Variants in MYLK observed in about 807,000 individuals in gnomAD.
MYLK encodes the protein myosin light chain kinase.
MYLK carries 106 observed loss-of-function variants against 203.4 expected under a neutral mutation model. The observed-to-expected ratio is 0.52, with a 90% CI of 0.45 to 0.61. The LOEUF is 0.61. MYLK is among the 20% of genes least tolerant of loss of function. The probability of loss-of-function intolerance (pLI) is 0.00; values close to 1 mark genes in which losing one functional copy is unlikely to be tolerated. For synonymous variants in MYLK, 867 were observed against 959.5 expected, an observed-to-expected ratio of 0.90 and a Z score of 1.78; for missense variants, 2,072 against 2,442.3, an observed-to-expected ratio of 0.85 and a Z score of 3.20.
chr3:123,809,808 G>A (rs1275381078), intron 3 of MYLK, among the ~76,000 whole-genome samples: 3 of 152,136 alleles, frequency 2.0e-5, no homozygotes, highest in South Asian at 2.1e-4. Flanking sequence ...GGACGTACAC[G>A]CAGTAGCCAA....
At chr3:123,713,578 AATGTGTGTGTGTGTGT>A (rs1177951622) in intron 13 of MYLK, among the ~76,000 whole-genome samples, 3 of 74,752 alleles carry the variant, frequency 4.0e-5, no homozygotes, top group African/African-American at 5.7e-5. Context: ...AGAGCAACAC[AATGTGTGTGTGTGTGT>A]GTGTGTGTGT....
chr3:123,713,865 G>A lies in MYLK; in HGVS notation c.1805-3972C>T, dbSNP rs151128228. Among the ~76,000 whole-genome samples, 371 of 152,148 alleles carry A rather than the reference G, an allele frequency of 2.4e-3. 2 individuals carry two copies. The Middle Eastern group carries it at 0.031, about 13-fold the overall frequency. Reference sequence around the variant, plus strand: ...CATAATACTGAGAAGTATGATGTCTGCATCATCAGTCTAATGCATGGTAAT... The same window carrying A: ...CATAATACTGAGAAGTATGATGTCTACATCATCAGTCTAATGCATGGTAAT... On this transcript the variant is annotated intron_variant, in intron 13 of 33. Coordinates refer to ENST00000360304, the MANE Select transcript of MYLK (RefSeq NM_053025.4).
rs573090361 is a variant in MYLK, at chr3:123,657,783, G to A, written c.3986-355C>T. ...CAGAAGGCGTGGACTATTTCCTATCGAAAACATGTTTTGAGAGAGAGAGTT... is the reference window on the plus strand; with the variant it reads ...CAGAAGGCGTGGACTATTTCCTATCAAAAACATGTTTTGAGAGAGAGAGTT... On this transcript the variant is annotated intron_variant, in intron 23 of 33. Coordinates refer to ENST00000360304, the MANE Select transcript of MYLK (RefSeq NM_053025.4). 2.0e-5 allele frequency among the ~76,000 whole-genome samples: 3 copies of A among 152,238 alleles called. No individual in the cohort carries two copies. The South Asian group carries it at 6.2e-4, about 32-fold the overall frequency.
At chr3:123,618,845 A>T in intron 32 of MYLK, 75 bp from the exon 33 acceptor site, 1 of 1,594,904 alleles carries the variant, frequency 6.3e-7, no homozygotes. Flanking sequence ...AAAGAAACTA[A>T]CTTTTAAAAA....
At chr3:123,627,591 A>G (rs549746805) in intron 30 of MYLK, among the ~76,000 whole-genome samples, 11 of 152,226 alleles carry the variant, frequency 7.2e-5, no homozygotes, top group Non-Finnish European at 1.5e-4. Flanking sequence ...AGGAAAGCCT[A>G]AAGAACCAAA....
At chr3:123,815,209 C>T (rs1350152249) in intron 3 of MYLK, among the ~76,000 whole-genome samples, 3 of 152,162 alleles carry the variant, frequency 2.0e-5, no homozygotes, top group South Asian at 2.1e-4. Flanking sequence ...CCTCTTGATT[C>T]CTGTCAACTT....
At chr3:123,844,901 G>A (rs760165959) in intron 2 of MYLK, among the ~76,000 whole-genome samples, 3 of 143,858 alleles carry the variant, frequency 2.1e-5, no homozygotes, top group Non-Finnish European at 3.0e-5. Flanking sequence ...CTATTCACAG[G>A]TACAATCATA....
intron 4 of MYLK, among the ~76,000 whole-genome samples, chr3:123,758,385 C>T (rs927562680): frequency 6.6e-6 from 1 of 152,192 alleles, no homozygotes; most frequent in Non-Finnish European, 1.5e-5. Context: ...ACCCCCATGT[C>T]CAACTTGTAA....
rs530601008 is a variant in MYLK at position 123,785,375 on chromosome 3, C to T, written c.165+8302G>A. 3.3e-5 allele frequency among the ~76,000 whole-genome samples: 5 copies of T among 152,334 alleles called. No individual in the cohort carries two copies. The South Asian group carries it at 1.0e-3, about 32-fold the overall frequency. On this transcript the variant is annotated intron_variant, in intron 4 of 33. Transcript: ENST00000360304. Reference sequence around the variant, plus strand: ...ACTTGCCCTGCCACTTCTCATACTGCTGCTTTCCCTTTGAGTACTTTGGAA... The same window carrying T: ...ACTTGCCCTGCCACTTCTCATACTGTTGCTTTCCCTTTGAGTACTTTGGAA...
At chr3:123,709,261 C>T (rs2061593098) in intron 14 of MYLK, 2 of 225,734 alleles carry the variant, frequency 8.9e-6, no homozygotes, top group South Asian at 1.3e-4. Flanking sequence ...CTGCCTCAGC[C>T]TCCCGAGTAG....
rs769094259 is a variant in MYLK at position 123,701,022 on chromosome 3, G to A, written c.2463-17C>T. 8 of 1,532,528 alleles carry A rather than the reference G, an allele frequency of 5.2e-6. No individual in the cohort carries two copies. In the South Asian group the frequency reaches 8.9e-5, roughly 17 times the overall value. 94.9% of individuals were successfully genotyped at this position (1,532,528 alleles called of 1,614,324 possible). ...TCCCTCCCCCTGCAACCAGTGTAGG[G>A]AAAAAGGAAAGTAGCAGGAGGAAAA... is the stretch of plus-strand genomic sequence containing the variant. On this transcript the variant is annotated splice_polypyrimidine_tract_variant and intron_variant, in intron 17 of 33. Coordinates refer to ENST00000360304, the MANE Select transcript of MYLK (RefSeq NM_053025.4).
intron 27 of MYLK, among the ~76,000 whole-genome samples, chr3:123,644,762 T>C (rs1178773659): frequency 6.6e-6 from 1 of 152,226 alleles, no homozygotes; most frequent in South Asian, 2.1e-4. Flanking sequence ...GTCACAGATG[T>C]GGGCTACGTA....
intron 3 of MYLK, among the ~76,000 whole-genome samples, chr3:123,796,438 A>G (rs2064989905): frequency 6.6e-6 from 1 of 152,226 alleles, no homozygotes; most frequent in South Asian, 2.1e-4. Context: ...AAGGAAAAGT[A>G]AAAGTTGGGA....
chr3:123,832,153 G>T (rs2066350195), intron 2 of MYLK, among the ~76,000 whole-genome samples: 1 of 152,186 alleles, frequency 6.6e-6, no homozygotes, highest in Admixed American at 6.5e-5. Context: ...CACTGGGAAA[G>T]CACTGTGCTT....
chr3:123,634,797 GA>G (rs2058577091), intron 29 of MYLK, among the ~76,000 whole-genome samples: 1 of 152,230 alleles, frequency 6.6e-6, no homozygotes, highest in Non-Finnish European at 1.5e-5. Context: ...GCAGGGGGAG[GA>G]GGGCTCTTAA....
intron 31 of MYLK, chr3:123,620,674 A>G (rs1169015680): frequency 1.8e-6 from 2 of 1,088,676 alleles, no homozygotes; most frequent in Non-Finnish European, 2.3e-6. Context: ...GCAGGCTGAG[A>G]CAGCTCCAAA....
intron 1 of MYLK, among the ~76,000 whole-genome samples, chr3:123,878,310 C>T (rs145587792): frequency 3.3e-4 from 51 of 152,296 alleles, no homozygotes; most frequent in Non-Finnish European, 6.5e-4. Context: ...GGAGATACCA[C>T]GTCACATAGC....
At chr3:123,875,724 GA>G (rs969085940) in intron 2 of MYLK, among the ~76,000 whole-genome samples, 1 of 152,048 alleles carries the variant, frequency 6.6e-6, no homozygotes, top group Non-Finnish European at 1.5e-5. Context: ...GCATTGAAAA[GA>G]AAAGTTATTG....
intron 3 of MYLK, 149 bp downstream of exon 3, chr3:123,831,399 C>G (rs1413976428): frequency 1.6e-6 from 2 of 1,289,590 alleles, no homozygotes; most frequent in South Asian, 2.5e-5. Context: ...CTCTTACCTG[C>G]TTGGGCAGCT....
Sources: gnomAD v4.1 joint callset for allele counts (sites outside exome capture counted in the v4.1 genomes callset) on GRCh38, gnomAD v4.1.1 for gene constraint, MANE v1.5 for transcripts, NCBI Gene and HGNC (gene_info 2026-07-23, HGNC 2026-07-21) for gene names.